ATP8A2: variants seen among roughly 807,000 people sequenced by gnomAD.
ATP8A2 encodes the protein ATPase phospholipid transporting 8A2, also known as phospholipid-transporting ATPase IB.
In ATP8A2, 100 loss-of-function variants were observed where a neutral mutation model predicts 165.6. The ratio of observed to expected loss-of-function variants is 0.60; its 90% CI spans 0.51 to 0.71. ATP8A2 has a LOEUF of 0.71. Among genes scored for constraint, ATP8A2 ranks in the 30% least tolerant of loss-of-function variants. The pLI is 0.00. For synonymous variants in ATP8A2, 543 were observed against 548.8 expected, an observed-to-expected ratio of 0.99 and a Z score of 0.15; for missense variants, 1,227 against 1,479.5, an observed-to-expected ratio of 0.83 and a Z score of 2.80.
chr13:25,495,136 G>A (rs1026362709), intron 2 of ATP8A2, among the ~76,000 whole-genome samples: 7 of 152,148 alleles, frequency 4.6e-5, no homozygotes, highest in South Asian at 2.1e-4. Flanking sequence ...ACAGGAAGTC[G>A]ACAACGTTCC....
chr13:25,410,504 C>T (rs2033935523), intron 1 of ATP8A2, among the ~76,000 whole-genome samples: 1 of 152,196 alleles, frequency 6.6e-6, no homozygotes, highest in Non-Finnish European at 1.5e-5. Context: ...CAACACTGTG[C>T]ATGGTGCATG....
At chr13:25,725,123 C>T (rs2043465279) in intron 25 of ATP8A2, among the ~76,000 whole-genome samples, 1 of 152,208 alleles carries the variant, frequency 6.6e-6, no homozygotes, top group Non-Finnish European at 1.5e-5. Flanking sequence ...ATTGTCATCT[C>T]TGAAGGCCAT....
chr13:25,576,988 T>G, intron 19 of ATP8A2, 81 bp from the exon 20 acceptor site: 11 of 1,124,614 alleles, frequency 9.8e-6, no homozygotes, highest in Non-Finnish European at 1.1e-5. Context: ...CAGACCCCCT[T>G]TTGTTTTGAT....
At chr13:25,445,793 G>A (rs553451675) in intron 1 of ATP8A2, among the ~76,000 whole-genome samples, 3 of 152,188 alleles carry the variant, frequency 2.0e-5, no homozygotes, top group South Asian at 2.1e-4. Flanking sequence ...GTGGATTAGC[G>A]AAGACCAAGA....
At chr13:25,855,472 A>G (rs558769215) in intron 30 of ATP8A2, among the ~76,000 whole-genome samples, 4 of 152,298 alleles carry the variant, frequency 2.6e-5, no homozygotes, top group African/African-American at 9.6e-5. Context: ...TTTATTGCCT[A>G]ATAATGGTGT....
intron 23 of ATP8A2, among the ~76,000 whole-genome samples, chr13:25,582,954 G>A (rs570284192): frequency 2.6e-5 from 4 of 152,186 alleles, no homozygotes; most frequent in Non-Finnish European, 2.9e-5. Context: ...CCCAAACAAC[G>A]GAAGTTAAGC....
At chr13:25,697,335 A>G (rs2042854516) in intron 24 of ATP8A2, among the ~76,000 whole-genome samples, 1 of 152,162 alleles carries the variant, frequency 6.6e-6, no homozygotes, top group South Asian at 2.1e-4. Flanking sequence ...GCTGGAATGC[A>G]GTGGTGCAAT....
At chr13:25,675,839 AT>A (rs2042361160) in intron 24 of ATP8A2, among the ~76,000 whole-genome samples, 1 of 152,182 alleles carries the variant, frequency 6.6e-6, no homozygotes, top group African/African-American at 2.4e-5. Flanking sequence ...ATGTGAAAAA[AT>A]GACATTTTAA....
At chr13:25,930,164 C>T (rs1377718024) in intron 33 of ATP8A2, among the ~76,000 whole-genome samples, 2 of 152,118 alleles carry the variant, frequency 1.3e-5, no homozygotes, top group Non-Finnish European at 2.9e-5. Flanking sequence ...TCTCCTCTCC[C>T]TCCACGCTGA....
intron 27 of ATP8A2, among the ~76,000 whole-genome samples, chr13:25,811,764 A>C (rs1256170134): frequency 6.6e-6 from 1 of 152,154 alleles, no homozygotes; most frequent in East Asian, 1.9e-4. Context: ...AGATAGCTGA[A>C]GCAGGAGGAT....
intron 24 of ATP8A2, among the ~76,000 whole-genome samples, chr13:25,600,791 G>A (rs955482047): frequency 2.0e-5 from 3 of 152,154 alleles, no homozygotes; most frequent in African/African-American, 4.8e-5. Flanking sequence ...TAAGAAATAT[G>A]GCTTTAAGCC....
chr13:25,737,412 T>C (rs1482307533), intron 25 of ATP8A2, among the ~76,000 whole-genome samples: 2 of 152,226 alleles, frequency 1.3e-5, no homozygotes, highest in East Asian at 3.9e-4. Flanking sequence ...GAGTCACCTG[T>C]TGGTTTACTG....
chr13:25,897,039 G>A (rs1484671302), intron 33 of ATP8A2, among the ~76,000 whole-genome samples: 2 of 152,032 alleles, frequency 1.3e-5, no homozygotes, highest in Non-Finnish European at 2.9e-5. Flanking sequence ...TTACGTTTAA[G>A]GTTAGTATTG....
chr13:25,670,664 T>G (rs968042632), intron 24 of ATP8A2, among the ~76,000 whole-genome samples: 2 of 152,224 alleles, frequency 1.3e-5, no homozygotes, highest in Non-Finnish European at 2.9e-5. Flanking sequence ...GAGCCTCTTC[T>G]TTGACTACCC....
At chr13:25,740,626 T>C (rs1330049797) in intron 25 of ATP8A2, among the ~76,000 whole-genome samples, 1 of 152,228 alleles carries the variant, frequency 6.6e-6, no homozygotes, top group Non-Finnish European at 1.5e-5. Context: ...GCTTCATGGC[T>C]TTATGGAGTG....
intron 34 of ATP8A2, among the ~76,000 whole-genome samples, chr13:25,967,187 T>C (rs1955797519): frequency 6.6e-6 from 1 of 152,224 alleles, no homozygotes; most frequent in Non-Finnish European, 1.5e-5. Context: ...AGATATTTGC[T>C]CATTTCTTGT....
Position 25,505,207 on chromosome 13 carries a change from G to T in ATP8A2, c.222-24792G>T, listed in dbSNP as rs371843323. 1.2e-3 allele frequency among the ~76,000 whole-genome samples: 165 copies of T among 142,608 alleles called. 2 individuals carry two copies. The highest frequency in any genetic ancestry group is 3.1e-3 in the African/African-American group (117 of 37,708). The allele number at this position is 142,608 out of a possible 152,430, so 93.6% of individuals were successfully genotyped here. On this transcript the variant is annotated intron_variant, in intron 2 of 36. Coordinates refer to ENST00000381655, the MANE Select transcript of ATP8A2 (RefSeq NM_016529.6). The stretch of plus-strand genomic sequence containing the variant: ...GATTTGTTTTTTCGGCGGGGCGGGG[G>T]GGGGTGGTGGTCACAACTCATTGGA...
chr13:25,396,627 G>T (rs759452106), intron 1 of ATP8A2, among the ~76,000 whole-genome samples: 2 of 152,108 alleles, frequency 1.3e-5, no homozygotes, highest in Non-Finnish European at 2.9e-5. Context: ...TCATGAGGGT[G>T]CTCTTGGGTG....
intron 34 of ATP8A2, among the ~76,000 whole-genome samples, chr13:25,964,271 G>A (rs1038099186): frequency 1.3e-5 from 2 of 152,156 alleles, no homozygotes; most frequent in African/African-American, 2.4e-5. Flanking sequence ...ATATTTGTCC[G>A]AAGCACATAT....
Sources: gnomAD v4.1 joint callset for allele counts (sites outside exome capture counted in the v4.1 genomes callset) on GRCh38, gnomAD v4.1.1 for gene constraint, MANE v1.5 for transcripts, NCBI Gene and HGNC (gene_info 2026-07-23, HGNC 2026-07-21) for gene names.